Variants in NOX4 observed in about 807,000 individuals in gnomAD.
The protein encoded by NOX4 is kidney oxidase-1.
NOX4 carries 69 observed loss-of-function variants against 87.6 expected under a neutral mutation model. The observed-to-expected ratio is 0.79, with a 90% CI of 0.65 to 0.96. NOX4 has a LOEUF of 0.96. Among genes scored for constraint, NOX4 ranks in the 40% least tolerant of loss-of-function variants. The pLI is 0.00. For missense variants in NOX4, 680 were observed against 681.5 expected, an observed-to-expected ratio of 1.00 and a Z score of 0.02; for synonymous variants, 275 against 238.2, an observed-to-expected ratio of 1.15 and a Z score of -1.42.
chr11:89,432,720 T>C, intron 7 of NOX4, 64 bp downstream of exon 7: 1 of 1,163,150 alleles, frequency 8.6e-7, no homozygotes, highest in Non-Finnish European at 1.3e-6. Context: ...ACATTTTGAT[T>C]ACTCAAGACT....
intron 8 of NOX4, among the ~76,000 whole-genome samples, chr11:89,413,162 A>G (rs1012363994): frequency 6.6e-5 from 10 of 152,280 alleles, no homozygotes; most frequent in African/African-American, 2.4e-4. Flanking sequence ...TTATATTGAA[A>G]ACACAGGCAA....
intron 13 of NOX4, among the ~76,000 whole-genome samples, chr11:89,352,229 A>T (rs1352821287): frequency 6.6e-6 from 1 of 152,188 alleles, no homozygotes; most frequent in Non-Finnish European, 1.5e-5. Context: ...CTATCCATGT[A>T]TCAAAATTAC....
chr11:89,480,552 G>A (rs1436547967), intron 2 of NOX4, among the ~76,000 whole-genome samples: 1 of 152,118 alleles, frequency 6.6e-6, no homozygotes, highest in Non-Finnish European at 1.5e-5. Context: ...TAAGAGCAGA[G>A]GGAGGAAAGA....
chr11:89,493,626 C>T (rs1221605421), upstream of NOX4, among the ~76,000 whole-genome samples: 1 of 151,976 alleles, frequency 6.6e-6, no homozygotes, highest in South Asian at 2.1e-4. Flanking sequence ...AACAGTACTC[C>T]AAGCCATCCC....
chr11:89,411,534 A>T (rs2135227071), intron 8 of NOX4, among the ~76,000 whole-genome samples: 1 of 152,264 alleles, frequency 6.6e-6, no homozygotes, highest in African/African-American at 2.4e-5. Context: ...CATTCACTAC[A>T]AGCTGACTGA....
At chr11:89,393,266 A>T (rs1207881541) in intron 11 of NOX4, among the ~76,000 whole-genome samples, 2 of 152,110 alleles carry the variant, frequency 1.3e-5, no homozygotes, top group Non-Finnish European at 2.9e-5. Flanking sequence ...CTGATCCAAT[A>T]TGTCAATACT....
chr11:89,389,291 C>T (rs1398462456), intron 11 of NOX4, among the ~76,000 whole-genome samples: 1 of 152,088 alleles, frequency 6.6e-6, no homozygotes, highest in Non-Finnish European at 1.5e-5. Context: ...CCAACCTTTG[C>T]CCTCCTAATA....
At chr11:89,571,734 C>T in the NOX4 span, among the ~76,000 whole-genome samples, 1 of 150,818 alleles carries the variant, frequency 6.6e-6, no homozygotes, top group Admixed American at 6.6e-5. Context: ...ATTACTAAGC[C>T]AAGGGAAAAT....
chr11:89,358,082 TG>T (rs1938209877), intron 12 of NOX4, among the ~76,000 whole-genome samples: 1 of 151,804 alleles, frequency 6.6e-6, no homozygotes, highest in Non-Finnish European at 1.5e-5. Flanking sequence ...ATAGCTATCG[TG>T]GTTGTCAAAA....
chr11:89,367,951 T>C (rs985784372), intron 12 of NOX4, among the ~76,000 whole-genome samples: 4 of 152,054 alleles, frequency 2.6e-5, no homozygotes, highest in Non-Finnish European at 4.4e-5. Context: ...GCAAGTTCTA[T>C]ATATCTCTAA....
the NOX4 span, among the ~76,000 whole-genome samples, chr11:89,572,592 C>G: frequency 2.6e-5 from 4 of 152,106 alleles, no homozygotes; most frequent in African/African-American, 9.7e-5. Context: ...CTCTGTCGCC[C>G]AGGCTGGAGT....
the NOX4 span, among the ~76,000 whole-genome samples, chr11:89,531,262 A>G: frequency 1.3e-5 from 2 of 152,126 alleles, no homozygotes; most frequent in Admixed American, 6.5e-5. Context: ...ATTTCTTTCT[A>G]TGAGGCCCCC....
At chr11:89,516,955 G>C in the NOX4 span, among the ~76,000 whole-genome samples, 1 of 150,748 alleles carries the variant, frequency 6.6e-6, no homozygotes, top group African/African-American at 2.4e-5. Flanking sequence ...GGCAGTGATG[G>C]CTGCAGTTTC....
chr11:89,418,913 C>T (rs534158038), intron 8 of NOX4, among the ~76,000 whole-genome samples: 1 of 151,954 alleles, frequency 6.6e-6, no homozygotes, highest in African/African-American at 2.4e-5. Flanking sequence ...TAAAAGTCTG[C>T]TTAGGTAGAA....
intron 12 of NOX4, among the ~76,000 whole-genome samples, chr11:89,368,872 G>A (rs1268580114): frequency 6.6e-6 from 1 of 151,936 alleles, no homozygotes; most frequent in Non-Finnish European, 1.5e-5. Flanking sequence ...CATACTGCCA[G>A]ACTGGTCTAT....
chr11:89,424,520 A>T (rs1370842328), intron 7 of NOX4, among the ~76,000 whole-genome samples: 2 of 150,902 alleles, frequency 1.3e-5, no homozygotes, highest in Admixed American at 6.6e-5. Flanking sequence ...TTTTTTCCTG[A>T]TTTTCTTAGG....
intron 12 of NOX4, among the ~76,000 whole-genome samples, chr11:89,368,110 A>C (rs1417254164): frequency 6.6e-6 from 1 of 151,870 alleles, no homozygotes; most frequent in Non-Finnish European, 1.5e-5. Flanking sequence ...AAGTGTATAA[A>C]TATATTATAA....
At chr11:89,586,476 G>A in the NOX4 span, among the ~76,000 whole-genome samples, 1 of 152,114 alleles carries the variant, frequency 6.6e-6, no homozygotes, top group Non-Finnish European at 1.5e-5. Flanking sequence ...TTTGAGTATA[G>A]GCCTGCCAAA....
intron 12 of NOX4, among the ~76,000 whole-genome samples, chr11:89,358,840 C>T (rs1938289697): frequency 6.6e-6 from 1 of 151,700 alleles, no homozygotes; most frequent in South Asian, 2.1e-4. Flanking sequence ...TCAGCAGGCT[C>T]AAACTGTTTC....
Sources: gnomAD v4.1 joint callset for allele counts (sites outside exome capture counted in the v4.1 genomes callset) on GRCh38, gnomAD v4.1.1 for gene constraint, MANE v1.5 for transcripts, NCBI Gene and HGNC (gene_info 2026-07-23, HGNC 2026-07-21) for gene names.